Variants in NUP160 observed in about 807,000 individuals in gnomAD.
NUP160 encodes nucleoporin 160.
Under a neutral mutation model 196.9 loss-of-function variants are expected in NUP160, and 94 were observed. That is an observed-to-expected ratio of 0.48 (90% CI 0.40 to 0.57). The LOEUF (loss-of-function observed/expected upper bound fraction) is 0.57. NUP160 is among the 20% of genes least tolerant of loss of function. NUP160 has a pLI of 0.00. For synonymous variants in NUP160, 605 were observed against 619.7 expected (o/e 0.98, Z 0.35); for missense variants, 1,638 against 1,748.3 (o/e 0.94, Z 1.13).
intron 27 of NUP160, among the ~76,000 whole-genome samples, chr11:47,795,049 G>A (rs1565190361): frequency 6.6e-6 from 1 of 152,010 alleles, no homozygotes; most frequent in Admixed American, 6.6e-5. Flanking sequence ...GCTGTGAGCC[G>A]AGATCGAGAC....
intron 2 of NUP160, chr11:47,841,561 TG>T: frequency 2.3e-6 from 1 of 427,034 alleles, no homozygotes. Flanking sequence ...AGCAGCAAAC[TG>T]GGATGGATCT....
intron 34 of NUP160, among the ~76,000 whole-genome samples, chr11:47,782,051 TG>T (rs1391621834): frequency 6.6e-6 from 1 of 151,504 alleles, no homozygotes; most frequent in Non-Finnish European, 1.5e-5. Context: ...GAGGCCGAGG[TG>T]GGTGGATCAC....
At chr11:47,821,581 A>C (rs7122182) in intron 9 of NUP160, 143 bp downstream of exon 9, 337,862 of 597,990 alleles carry the variant, frequency 0.56, 97,377 homozygotes, top group East Asian at 0.68. Context: ...CCTGGTCTCG[A>C]ACTCCTGAGC....
intron 22 of NUP160, 56 bp from the exon 23 acceptor site, chr11:47,801,986 A>G (rs2097674434): frequency 6.3e-7 from 1 of 1,575,618 alleles, no homozygotes; most frequent in Non-Finnish European, 8.7e-7. Context: ...TCTAGGTGCT[A>G]TGAATCAGGG....
chr11:47,825,124 C>A (rs1851942742), intron 7 of NUP160, among the ~76,000 whole-genome samples: 2 of 151,912 alleles, frequency 1.3e-5, no homozygotes, highest in African/African-American at 2.4e-5. Flanking sequence ...CATGAGCCAA[C>A]CGCGCCCAGC....
chr11:47,830,966 C>A (rs1852061928), intron 7 of NUP160, among the ~76,000 whole-genome samples: 1 of 152,100 alleles, frequency 6.6e-6, no homozygotes, highest in African/African-American at 2.4e-5. Flanking sequence ...GAGTTCGAGA[C>A]CAGCCTGGCC....
exon 4 of NUP160, chr11:47,839,854 T>G: frequency 6.2e-7 from 1 of 1,613,168 alleles, no homozygotes; most frequent in East Asian, 2.2e-5. Flanking sequence ...AGGTATGTCA[T>G]AAGGAGGTAG....
chr11:47,818,386 C>T (rs77942344), intron 10 of NUP160, among the ~76,000 whole-genome samples: 4,259 of 152,224 alleles, frequency 0.028, 204 homozygotes, highest in African/African-American at 0.097. Flanking sequence ...CAAGCTTTGT[C>T]AAATGCCAAT....
intron 32 of NUP160, 35 bp from the exon 33 acceptor site, chr11:47,785,098 A>ATTTTTTTTT: frequency 1.8e-6 from 2 of 1,137,368 alleles, no homozygotes; most frequent in South Asian, 1.9e-5. Context: ...TGAGTTTCAG[A>ATTTTTTTTT]TTCTTAATAG....
chr11:47,784,006 T>TA (rs55761726), intron 33 of NUP160, among the ~76,000 whole-genome samples: 2 of 147,000 alleles, frequency 1.4e-5, no homozygotes, highest in African/African-American at 5.0e-5. Flanking sequence ...CTTTCTACCT[T>TA]AAAAAAAAAA....
rs905980269 is a variant in NUP160, at chr11:47,821,867, T to C, written c.1180-46A>G. On this transcript the variant is annotated intron_variant, in intron 8 of 35. Coordinates refer to ENST00000378460, the Ensembl canonical transcript of NUP160. ...AAAAGGGATAAAATAAGAAAGAAAG[T>C]AGTAGTTCACGGTGACTTACTTTTT... The C allele has an allele frequency of 1.3e-5, 19 of 1,444,562 alleles. No individual in the cohort carries two copies. The African/African-American group carries it at 1.7e-4, about 13-fold the overall frequency. 89.5% of individuals were successfully genotyped at this position (1,444,562 alleles called of 1,614,324 possible).
intron 7 of NUP160, among the ~76,000 whole-genome samples, chr11:47,831,570 G>A (rs1310850780): frequency 1.3e-5 from 2 of 152,114 alleles, no homozygotes; most frequent in Non-Finnish European, 2.9e-5. Flanking sequence ...TGGGCCAGGT[G>A]CAGTGGCTCA....
chr11:47,835,577 T>TCA, intron 7 of NUP160, 74 bp downstream of exon 7: 2 of 1,268,896 alleles, frequency 1.6e-6, no homozygotes, highest in Non-Finnish European at 2.1e-6. Context: ...TTGAACAGAC[T>TCA]CACTGAGTCT....
exon 32 of NUP160, chr11:47,786,470 G>A (rs1334220352): frequency 6.2e-7 from 1 of 1,612,850 alleles, no homozygotes; most frequent in Non-Finnish European, 8.5e-7. Context: ...CCTTAGTAGT[G>A]ATGACAGATG....
At chr11:47,834,601 A>G (rs1482719107) in intron 7 of NUP160, among the ~76,000 whole-genome samples, 1 of 152,070 alleles carries the variant, frequency 6.6e-6, no homozygotes, top group Non-Finnish European at 1.5e-5. Flanking sequence ...CTTGCTGGCC[A>G]GAAGGTAAGG....
intron 7 of NUP160, among the ~76,000 whole-genome samples, chr11:47,831,287 A>G (rs2135394062): frequency 6.6e-6 from 1 of 152,364 alleles, no homozygotes; most frequent in South Asian, 2.1e-4. Context: ...TCAGGAAATT[A>G]AAACAAAAAC....
At chr11:47,819,883 G>A (rs1370784160) in intron 9 of NUP160, among the ~76,000 whole-genome samples, 1 of 152,204 alleles carries the variant, frequency 6.6e-6, no homozygotes, top group Non-Finnish European at 1.5e-5. Context: ...TTTCACAGAT[G>A]TACACAGTGA....
intron 31 of NUP160, among the ~76,000 whole-genome samples, chr11:47,787,428 CTT>C (rs145162308): frequency 0.34 from 44,473 of 129,746 alleles, 7,636 homozygotes; most frequent in South Asian, 0.51. Flanking sequence ...AATTCACAAA[CTT>C]TTTTTTTTTT....
chr11:47,848,261 C>T lies in NUP160; in HGVS notation c.160G>A (p.Glu54Lys), dbSNP rs750703744. The change falls in exon 1 of 36, where the codon GAA becomes AAA. Residue 54 changes from glutamate to lysine, a missense_variant. By Grantham distance (56) the Glu-to-Lys change is moderately conservative. Transcript: ENST00000378460. The stretch of plus-strand genomic sequence containing the variant: ...AATTCCCGAAAGTGCCTCGGCCTTT[C>T]GCGCTCAGCTCCGCTTAGCTCCACG... 3.1e-6 allele frequency: 5 copies of T among 1,614,196 alleles called. No individual in the cohort carries two copies. The East Asian group carries it at 1.1e-4, about 36-fold the overall frequency.
Sources: gnomAD v4.1 joint callset for allele counts (sites outside exome capture counted in the v4.1 genomes callset) on GRCh38, gnomAD v4.1.1 for gene constraint, MANE v1.5 for transcripts, NCBI Gene and HGNC (gene_info 2026-07-23, HGNC 2026-07-21) for gene names.